PRAMEF17: variants seen among roughly 807,000 people sequenced by gnomAD.
PRAMEF17 encodes PRAME family member 17.
PRAMEF17 carries 48 observed loss-of-function variants against 36.8 expected under a neutral mutation model. The observed-to-expected ratio is 1.30, with a 90% CI of 1.03 to 1.66. The LOEUF (loss-of-function observed/expected upper bound fraction) is 1.66. Among genes scored for constraint, PRAMEF17 ranks in the 40% most tolerant of loss-of-function variants. The probability of loss-of-function intolerance (pLI) is 0.00; values close to 1 mark genes in which losing one functional copy is unlikely to be tolerated. For synonymous variants in PRAMEF17, 246 were observed against 220.4 expected, an observed-to-expected ratio of 1.12 and a Z score of -1.03; for missense variants, 639 against 560.6, an observed-to-expected ratio of 1.14 and a Z score of -1.41.
intron 1 of PRAMEF17, 31 bp downstream of exon 1, chr1:13,389,975 G>C: frequency 1.2e-6 from 2 of 1,612,160 alleles, no homozygotes; most frequent in Non-Finnish European, 1.7e-6. Flanking sequence ...TGGTGGGAAG[G>C]GTCCAGGCAT....
At chr1:13,391,586 C>T (rs1167275924) in intron 2 of PRAMEF17, among the ~76,000 whole-genome samples, 2 of 152,128 alleles carry the variant, frequency 1.3e-5, no homozygotes, top group Admixed American at 1.3e-4. Context: ...CCACTGGGCT[C>T]CTCTGGCCCA....
chr1:13,392,338 A>T lies in PRAMEF17; in HGVS notation c.1261A>T (p.Asn421Tyr). Residue 421 changes from asparagine to tyrosine, a missense_variant, in exon 3 of 3, where the codon AAC becomes TAC. Coordinates refer to ENST00000376098, the MANE Select transcript of PRAMEF17 (RefSeq NM_001099851.3). ...LYPAPLECLD[N>Y]RGHVNWEILA... is the part of the protein sequence containing the mutation. ...TCCTGCCCCTCTGGAGTGTCTTGAC[A>T]ACAGGGGTCATGTCAATTGGGAGAT... The T allele has an allele frequency of 6.2e-7, 1 of 1,611,996 alleles. No individual in the cohort carries two copies. Among genetic ancestry groups the T allele is most frequent in the Non-Finnish European group, 8.5e-7 (1 of 1,179,856 alleles).
chr1:13,392,083 A>C lies in PRAMEF17; in HGVS notation c.1006A>C (p.Asn336His), dbSNP rs34789225. The change falls in exon 3 of 3, where the codon AAT becomes CAT. Residue 336 changes from asparagine (N) to histidine (H), a missense_variant. By Grantham distance (68) the Asn-to-His change is moderately conservative. Coordinates refer to ENST00000376098, the MANE Select transcript of PRAMEF17 (RefSeq NM_001099851.3). ...GATTCATATCCTAATGTGGACTACC[A>C]ATCTTGAGCCCCTTGGAGCTCTGCT... ...HLIHILMWTTNLEPLGALLEK... is the reference protein window; with the variant it reads ...HLIHILMWTTHLEPLGALLEK... 1.8e-3 allele frequency: 2,919 copies of C among 1,611,694 alleles called. 7 individuals are homozygous for C. Among genetic ancestry groups the C allele is most frequent in the East Asian group, 5.0e-3 (224 of 44,856 alleles).
Position 13,390,734 on chromosome 1 carries a change from C to T in PRAMEF17, c.681C>T (p.Tyr227=). Residue 227 remains tyrosine (Y), a synonymous_variant, in exon 2 of 3, where the codon TAC becomes TAT. Coordinates refer to ENST00000376098, the MANE Select transcript of PRAMEF17 (RefSeq NM_001099851.3). ...ATAAAACAGGAAAGTTTGCCCCTTACTTGAGCCAGATGAGCAATCTTCGCA... is the reference window on the plus strand; with the variant it reads ...ATAAAACAGGAAAGTTTGCCCCTTATTTGAGCCAGATGAGCAATCTTCGCA... ...SLNKTGKFAP[Y]LSQMSNLRKL... 1.2e-6 allele frequency: 2 copies of T among 1,612,036 alleles called. No homozygotes were observed. The highest frequency in any genetic ancestry group is 1.7e-6 in the Non-Finnish European group (2 of 1,179,870).
Position 13,390,730 on chromosome 1 carries a change from C to G in PRAMEF17, c.677C>G (p.Pro226Arg). 6.2e-7 allele frequency: 1 copy of G among 1,611,994 alleles called. No individual in the cohort carries two copies. The highest frequency in any genetic ancestry group is 8.5e-7 in the Non-Finnish European group (1 of 1,179,854). Residue 226 changes from proline to arginine, a missense_variant, in exon 2 of 3, where the codon CCT (proline) becomes CGT (arginine). Coordinates refer to ENST00000376098, the MANE Select transcript of PRAMEF17 (RefSeq NM_001099851.3). ...CSLNKTGKFAPYLSQMSNLRK... is the reference protein window; with the variant it reads ...CSLNKTGKFARYLSQMSNLRK... ...CTGAATAAAACAGGAAAGTTTGCCC[C>G]TTACTTGAGCCAGATGAGCAATCTT...
rs1458735049 is a variant in PRAMEF17 at position 13,390,040 on chromosome 1, G to T, written c.287+96G>T. On this transcript the variant is annotated intron_variant, in intron 1 of 2. Transcript: ENST00000376098. ...GTGGTGGGGTTGGGGAGCTAGGGTG[G>T]CTCAGAGGCTTCTGATGGTGCCCAT... The T allele has an allele frequency of 6.2e-5, 97 of 1,570,742 alleles. 1 individual carries two copies. Among genetic ancestry groups the T allele is most frequent in the Non-Finnish European group, 7.3e-5 (84 of 1,151,530 alleles).
In PRAMEF17 at chr1:13,389,666, C is replaced by G; in HGVS notation, c.9C>G (p.Leu3=). The G allele has an allele frequency of 6.2e-7, 1 of 1,612,034 alleles. No homozygotes were observed. Among genetic ancestry groups the G allele is most frequent in the Non-Finnish European group, 8.5e-7 (1 of 1,179,866 alleles). Residue 3 remains leucine (L), a synonymous_variant, in exon 1 of 3, where the codon CTC becomes CTG. Transcript: ENST00000376098. The part of the protein sequence containing the change: MS[L]QSPSRLLELA... ...ACTGGAGATTTGTCAGAATGAGCCT[C>G]CAGTCCCCATCCAGACTCCTGGAGC...
rs986310615 is a variant in PRAMEF17, at chr1:13,389,844, C to T, written c.187C>T (p.Arg63Cys). 18,554 of 1,613,650 alleles carry T rather than the reference C, an allele frequency of 0.011. 133 individuals carry two copies. The highest frequency in any genetic ancestry group is 0.015 in the Middle Eastern group (87 of 5,658). ...GATGGTGCAGGCCTGGCCCTTCCTC[C>T]GCCTCCCTCTGGGATCCCTGATGAA... ...KLMVQAWPFL[R>C]LPLGSLMKTP... Residue 63 changes from arginine (R) to cysteine (C), a missense_variant, in exon 1 of 3, where the codon CGC (arginine) becomes TGC (cysteine). Coordinates refer to ENST00000376098, the MANE Select transcript of PRAMEF17 (RefSeq NM_001099851.3).
rs1393844536 is a variant in PRAMEF17, at chr1:13,392,199, C to A, written c.1122C>A (p.Ser374Arg). 1.2e-6 allele frequency: 2 copies of A among 1,611,870 alleles called. No homozygotes were observed. Among genetic ancestry groups the A allele is most frequent in the Non-Finnish European group, 1.7e-6 (2 of 1,179,880 alleles). The stretch of plus-strand genomic sequence containing the variant: ...TCAGGGTCCTCCTGCCTGCCCTGAG[C>A]CGCTGCTCCCAGCTCACCACCTTCT... ...SQLRVLLPAL[S>R]RCSQLTTFYF... Residue 374 changes from serine to arginine, a missense_variant, in exon 3 of 3, where the codon AGC (serine) becomes AGA (arginine). Physicochemically the swap from Ser to Arg is moderately radical, Grantham distance 110 (BLOSUM62 -1). Coordinates refer to ENST00000376098, the MANE Select transcript of PRAMEF17 (RefSeq NM_001099851.3).
In PRAMEF17 at chr1:13,392,317, G is replaced by T. The variant is rs1434970829; in HGVS notation, c.1240G>T (p.Ala414Ser). ...CAAGTTAGGTCTGGAGTTGTATCCT[G>T]CCCCTCTGGAGTGTCTTGACAACAG... ...LSKLGLELYP[A>S]PLECLDNRGH... The change falls in exon 3 of 3, where the codon GCC becomes TCC. Residue 414 changes from alanine (A) to serine (S), a missense_variant. Transcript: ENST00000376098. 5.2e-5 allele frequency: 84 copies of T among 1,611,964 alleles called. No individual in the cohort carries two copies. Among genetic ancestry groups the T allele is most frequent in the East Asian group, 2.7e-4 (12 of 44,868 alleles).
chr1:13,389,976 G>T (rs1640858387), intron 1 of PRAMEF17, 32 bp downstream of exon 1: 4 of 1,612,166 alleles, frequency 2.5e-6, no homozygotes, highest in Non-Finnish European at 3.4e-6. Context: ...GGTGGGAAGG[G>T]TCCAGGCATC....
At position 13,392,344 on chromosome 1, in the gene PRAMEF17, GGTCAT is replaced by G; in HGVS notation, c.1272_1276del (p.His424GlnfsTer11). 1 of 1,611,968 alleles carries G rather than the reference GGTCAT, an allele frequency of 6.2e-7. No homozygotes were observed. The highest frequency in any genetic ancestry group is 8.5e-7 in the Non-Finnish European group (1 of 1,179,872). ...CCCTCTGGAGTGTCTTGACAACAGG[GGTCAT>G]GTCAATTGGGAGATCCTCGCCCCAA... On this transcript the variant is annotated frameshift_variant, in exon 3 of 3. Transcript: ENST00000376098. LOFTEE classifies it high-confidence loss of function.
chr1:13,391,923 C>A (rs767913975), intron 2 of PRAMEF17, 21 bp from the exon 3 acceptor site: 2 of 1,608,270 alleles, frequency 1.2e-6, no homozygotes, highest in South Asian at 1.1e-5. Context: ...TTGCCCATAA[C>A]TAATTTCTTG....
chr1:13,391,833 G>C, intron 2 of PRAMEF17, 111 bp from the exon 3 acceptor site: 1 of 1,476,420 alleles, frequency 6.8e-7, no homozygotes, highest in South Asian at 1.3e-5. Flanking sequence ...CTGTGTGGTA[G>C]TAAGGTGCAG....
In PRAMEF17 at chr1:13,389,664, C is replaced by T. The variant is rs1640853150; in HGVS notation, c.7C>T (p.Leu3Phe). Residue 3 changes from leucine (L) to phenylalanine (F), a missense_variant, in exon 1 of 3, where the codon CTC becomes TTC. Leu to Phe is a conservative substitution (Grantham distance 22, BLOSUM62 0). Coordinates refer to ENST00000376098, the MANE Select transcript of PRAMEF17 (RefSeq NM_001099851.3). MS[L>F]QSPSRLLELA... ...TCACTGGAGATTTGTCAGAATGAGC[C>T]TCCAGTCCCCATCCAGACTCCTGGA... 6.2e-7 allele frequency: 1 copy of T among 1,612,006 alleles called. No homozygotes were observed. The highest frequency in any genetic ancestry group is 8.5e-7 in the Non-Finnish European group (1 of 1,179,856).
At position 13,389,695 on chromosome 1, in the gene PRAMEF17, C is replaced by T. The variant is rs1381218482; in HGVS notation, c.38C>T (p.Ala13Val). The T allele has an allele frequency of 2.7e-4, 428 of 1,611,932 alleles. No individual in the cohort carries two copies. The highest frequency in any genetic ancestry group is 3.4e-4 in the Non-Finnish European group (399 of 1,179,898). The change falls in exon 1 of 3, where the codon GCA (alanine) becomes GTA (valine). Residue 13 changes from alanine (A) to valine (V), a missense_variant. Transcript: ENST00000376098. ...TCCCCATCCAGACTCCTGGAGCTGG[C>T]AGGCCAGAGCCTGCTGAGGAACCAG... Reference protein sequence around the residue: ...LQSPSRLLELAGQSLLRNQFL... With the variant: ...LQSPSRLLELVGQSLLRNQFL...
rs1160821500 is a variant in PRAMEF17, at chr1:13,392,580, T to C, written c.*78T>C. On this transcript the variant is annotated 3_prime_UTR_variant, in exon 3 of 3. Transcript: ENST00000376098. ...AAAATCTAGGACACAGGTGGGTTTT[T>C]TTGTTTTTTTGTTTTTTTTTTGATG... is the stretch of plus-strand genomic sequence containing the variant. 6.4e-7 allele frequency: 1 copy of C among 1,567,986 alleles called. No homozygotes were observed.
chr1:13,390,915 C>T lies in PRAMEF17; in HGVS notation c.862C>T (p.Leu288Phe). 1.9e-6 allele frequency: 3 copies of T among 1,611,858 alleles called. No individual in the cohort carries two copies. Among genetic ancestry groups the T allele is most frequent in the South Asian group, 1.1e-5 (1 of 90,976 alleles). ...TATCAAAGAGCACCTGGAGCACCTG[C>T]TCAGGTAAGAAAGGATGGTGAGCTT... is the stretch of plus-strand genomic sequence containing the variant. Reference protein sequence around the residue: ...SNIKEHLEHLLRCLKNPLGTF... With the variant: ...SNIKEHLEHLFRCLKNPLGTF... The change falls in exon 2 of 3, where the codon CTC becomes TTC. Residue 288 changes from leucine (L) to phenylalanine (F), a missense_variant. Transcript: ENST00000376098.
rs1413922378 is a variant in PRAMEF17, at chr1:13,392,205, C to T, written c.1128C>T (p.Cys376=). 123 of 1,611,984 alleles carry T rather than the reference C, an allele frequency of 7.6e-5. 2 individuals carry two copies. In the South Asian group the frequency reaches 8.0e-4, roughly 11 times the overall value. The part of the protein sequence containing the change: ...LRVLLPALSR[C]SQLTTFYFRG... ...TCCTCCTGCCTGCCCTGAGCCGCTG[C>T]TCCCAGCTCACCACCTTCTACTTTC... The change falls in exon 3 of 3, where the codon TGC becomes TGT. Residue 376 remains cysteine, a synonymous_variant. Transcript: ENST00000376098.
Sources: gnomAD v4.1 joint callset for allele counts (sites outside exome capture counted in the v4.1 genomes callset) on GRCh38, gnomAD v4.1.1 for gene constraint, MANE v1.5 for transcripts, NCBI Gene and HGNC (gene_info 2026-07-23, HGNC 2026-07-21) for gene names.